The following SMYD3 variants were observed in gnomAD, a reference collection of about 807,000 sequenced individuals.
The protein encoded by SMYD3 is SET and MYND domain containing 3.
SMYD3 carries 36 observed loss-of-function variants against 57.7 expected under a neutral mutation model. The observed-to-expected ratio is 0.62, with a 90% CI of 0.48 to 0.82. The LOEUF is 0.82. Ranked by LOEUF, SMYD3 falls within the 40% of genes least tolerant of loss-of-function variation. SMYD3 has a pLI of 0.00. For synonymous variants in SMYD3, 211 were observed against 195.0 expected (o/e 1.08, Z -0.68); for missense variants, 515 against 538.8 (o/e 0.96, Z 0.44).
At chr1:245,931,522 T>A (rs1347930245) in intron 5 of SMYD3, among the ~76,000 whole-genome samples, 1 of 152,148 alleles carries the variant, frequency 6.6e-6, no homozygotes, top group East Asian at 1.9e-4. Context: ...CTGTTTTGGT[T>A]AAGTTAAATT....
chr1:245,833,073 A>AAAAAC, intron 10 of SMYD3, among the ~76,000 whole-genome samples: 6 of 128,640 alleles, frequency 4.7e-5, no homozygotes, highest in African/African-American at 6.0e-5. Flanking sequence ...AAAAAAAAAA[A>AAAAAC]AACCTGCTTT....
At chr1:245,914,961 T>A (rs2055294694) in intron 8 of SMYD3, among the ~76,000 whole-genome samples, 1 of 152,072 alleles carries the variant, frequency 6.6e-6, no homozygotes, top group African/African-American at 2.4e-5. Flanking sequence ...GTGGTAGGGT[T>A]GACTATAAAG....
intron 1 of SMYD3, among the ~76,000 whole-genome samples, chr1:246,421,798 C>T (rs761350082): frequency 6.6e-6 from 1 of 152,216 alleles, no homozygotes; most frequent in Non-Finnish European, 1.5e-5. Context: ...AGGAACAGAA[C>T]ACACTCGAAA....
intron 5 of SMYD3, among the ~76,000 whole-genome samples, chr1:246,103,883 C>T (rs1034470665): frequency 6.6e-6 from 1 of 152,158 alleles, no homozygotes; most frequent in Non-Finnish European, 1.5e-5. Flanking sequence ...TGTGCTCATG[C>T]TTTTTTCCTT....
intron 5 of SMYD3, among the ~76,000 whole-genome samples, chr1:246,152,539 A>G (rs1350258024): frequency 2.0e-5 from 3 of 152,194 alleles, no homozygotes; most frequent in Non-Finnish European, 4.4e-5. Flanking sequence ...TTCTCCATAC[A>G]CTTGCTATGT....
At chr1:246,179,592 A>T (rs2062498886) in intron 5 of SMYD3, among the ~76,000 whole-genome samples, 1 of 152,182 alleles carries the variant, frequency 6.6e-6, no homozygotes, top group South Asian at 2.1e-4. Flanking sequence ...AGTAGATTTA[A>T]TCCCCCTTTG....
chr1:246,366,275 A>C (rs1297130267), intron 1 of SMYD3, among the ~76,000 whole-genome samples: 1 of 152,350 alleles, frequency 6.6e-6, no homozygotes, highest in African/African-American at 2.4e-5. Flanking sequence ...ATTCCTTAAC[A>C]TGAGTTATTT....
Position 246,355,072 on chromosome 1 carries a change from AGCATC to A in SMYD3, c.182_186del (p.Arg61LeufsTer10). ...CAGTATTTGGCGACGCGGCACTGAG[AGCATC>A]GCATCAGCTTTTCCTTCCTGTGGGG... On this transcript the variant is annotated frameshift_variant, in exon 2 of 12. Coordinates refer to ENST00000490107, the MANE Select transcript of SMYD3 (RefSeq NM_001167740.2). LOFTEE classifies it high-confidence loss of function. This position sits in a 1 kb window ranked among gnomAD's most constrained non-coding sequence, Gnocchi z 5.0. 6.2e-7 allele frequency: 1 copy of A among 1,614,210 alleles called. No homozygotes were observed. Among genetic ancestry groups the A allele is most frequent in the Non-Finnish European group, 8.5e-7 (1 of 1,180,038 alleles).
At chr1:246,250,032 A>T (rs1474054326) in intron 5 of SMYD3, among the ~76,000 whole-genome samples, 1 of 152,206 alleles carries the variant, frequency 6.6e-6, no homozygotes, top group African/African-American at 2.4e-5. Context: ...AATAAATTCA[A>T]ACGCATTCCT....
At position 246,216,329 on chromosome 1, in the gene SMYD3, A is replaced by C. The variant is rs899512668; in HGVS notation, c.531+110872T>G. Among the ~76,000 whole-genome samples, 3 of 151,782 alleles carry C rather than the reference A, an allele frequency of 2.0e-5. No homozygotes were observed. In the East Asian group the frequency reaches 5.8e-4, roughly 29 times the overall value. ...CATAAGCAGACTTCAGGAAAATGCC[A>C]AACAATAAAATACATCTCCATATTG... On this transcript the variant is annotated intron_variant, in intron 5 of 11. Transcript: ENST00000490107.
At chr1:245,790,583 CAG>C (rs1017959638) in intron 10 of SMYD3, among the ~76,000 whole-genome samples, 2 of 152,322 alleles carry the variant, frequency 1.3e-5, no homozygotes, top group African/African-American at 4.8e-5. Context: ...TTAGAAAAGA[CAG>C]AGTCACAAGC....
chr1:245,980,502 G>A (rs1378871816), intron 5 of SMYD3, among the ~76,000 whole-genome samples: 3 of 152,234 alleles, frequency 2.0e-5, no homozygotes, highest in Non-Finnish European at 2.9e-5. Flanking sequence ...TAGCATGGGA[G>A]CAGGAATTAA....
chr1:246,453,059 T>G (rs929728555), intron 1 of SMYD3, among the ~76,000 whole-genome samples: 2 of 152,268 alleles, frequency 1.3e-5, no homozygotes, highest in African/African-American at 4.8e-5. Flanking sequence ...TCAGATACTG[T>G]TCTGAACACT....
chr1:246,019,523 A>AAAAGACC (rs2059432619), intron 5 of SMYD3, among the ~76,000 whole-genome samples: 1 of 152,222 alleles, frequency 6.6e-6, no homozygotes, highest in Non-Finnish European at 1.5e-5. Flanking sequence ...AGCATTGTCA[A>AAAAGACC]AAAGACCAAC....
chr1:245,848,637 C>T (rs989711010), intron 10 of SMYD3, among the ~76,000 whole-genome samples: 7 of 152,114 alleles, frequency 4.6e-5, no homozygotes, highest in African/African-American at 1.7e-4. Flanking sequence ...GTCTTGAACT[C>T]CTGGGCTCAA....
At chr1:246,436,737 G>A (rs1360072493) in intron 1 of SMYD3, among the ~76,000 whole-genome samples, 1 of 152,016 alleles carries the variant, frequency 6.6e-6, no homozygotes, top group Non-Finnish European at 1.5e-5. Flanking sequence ...ACATGCTCCC[G>A]CCCCCAAGGG....
chr1:245,988,546 C>T (rs1360475935), intron 5 of SMYD3: 1 of 152,286 alleles, frequency 6.6e-6, no homozygotes, highest in Non-Finnish European at 1.5e-5. Flanking sequence ...TGCATGTGGA[C>T]AGCGTGGGCC....
chr1:245,759,215 TCATAAATATTAGAG>T (rs1318443095), intron 11 of SMYD3, among the ~76,000 whole-genome samples: 2 of 152,192 alleles, frequency 1.3e-5, no homozygotes, highest in African/African-American at 4.8e-5. Context: ...TAGGAATCAC[TCATAAATATTAGAG>T]CCAGGGGCTT....
intron 5 of SMYD3, among the ~76,000 whole-genome samples, chr1:246,248,924 G>A (rs12117060): frequency 0.084 from 12,597 of 149,498 alleles, 694 homozygotes; most frequent in East Asian, 0.21. Flanking sequence ...CCAAAGTGCT[G>A]GGATTACAGG....
Sources: allele counts gnomAD v4.1 joint callset (sites outside exome capture counted in the v4.1 genomes callset), GRCh38; gene constraint gnomAD v4.1.1; non-coding constraint Gnocchi (gnomAD v3.1); transcripts MANE v1.5; gene names NCBI Gene and HGNC (gene_info 2026-07-23, HGNC 2026-07-21).